Variants in CDH6 observed in about 807,000 individuals in gnomAD.
CDH6 encodes cadherin-6.
CDH6 carries 31 observed loss-of-function variants against 78.0 expected under a neutral mutation model. That is an observed-to-expected ratio of 0.40 (90% CI 0.30 to 0.54). The LOEUF (loss-of-function observed/expected upper bound fraction) is 0.54. CDH6 is among the 20% of genes least tolerant of loss of function. The pLI, the probability that CDH6 is intolerant of heterozygous loss-of-function variation, is 0.56. For missense variants in CDH6, 724 were observed against 975.9 expected, an observed-to-expected ratio of 0.74 and a Z score of 3.44; for synonymous variants, 376 against 368.8, an observed-to-expected ratio of 1.02 and a Z score of -0.23.
chr5:31,282,973 C>T (rs1490420821), intron 2 of CDH6, among the ~76,000 whole-genome samples: 1 of 151,946 alleles, frequency 6.6e-6, no homozygotes, highest in African/African-American at 2.4e-5. Flanking sequence ...TCACAAAGTA[C>T]ACATTGATAA....
chr5:31,269,708 A>C (rs1031714761), intron 2 of CDH6, among the ~76,000 whole-genome samples: 3 of 152,264 alleles, frequency 2.0e-5, no homozygotes, highest in Non-Finnish European at 4.4e-5. Context: ...AACAAAGCTC[A>C]GTGGAAAATA....
Position 31,322,948 on chromosome 5 carries a change from T to C in CDH6, c.2013T>C (p.Ala671=). The C allele has an allele frequency of 6.2e-7, 1 of 1,614,158 alleles. No individual in the cohort carries two copies. Among genetic ancestry groups the C allele is most frequent in the South Asian group, 1.1e-5 (1 of 91,070 alleles). Residue 671 remains alanine (A), a synonymous_variant, in exon 12 of 12, where the codon GCT becomes GCC. Transcript: ENST00000265071. ...GTGGTGGAGAGGAGGACACCCAGGC[T>C]TTTGATATCGGCACCCTGAGGAATC... The part of the protein sequence containing the change: ...DEGGGEEDTQ[A]FDIGTLRNPE...
At chr5:31,247,704 C>T (rs1000310953) in intron 1 of CDH6, among the ~76,000 whole-genome samples, 1 of 152,164 alleles carries the variant, frequency 6.6e-6, no homozygotes, top group African/African-American at 2.4e-5. Context: ...TTCTAAATGA[C>T]TTTAAATGAA....
chr5:31,233,053 T>C (rs1741355692), intron 1 of CDH6, among the ~76,000 whole-genome samples: 2 of 152,066 alleles, frequency 1.3e-5, no homozygotes, highest in South Asian at 4.1e-4. Context: ...TTTCTTACCA[T>C]GCAATGAACA....
chr5:31,229,839 G>A (rs987336501), intron 1 of CDH6, among the ~76,000 whole-genome samples: 49 of 152,172 alleles, frequency 3.2e-4, no homozygotes, highest in Non-Finnish European at 3.8e-4. Context: ...ACGGGCTGAG[G>A]CTTTTTGCCC....
chr5:31,302,425 GA>G, intron 6 of CDH6, 127 bp downstream of exon 6: 1 of 780,978 alleles, frequency 1.3e-6, no homozygotes, highest in Non-Finnish European at 1.9e-6. Flanking sequence ...ATTATTTTCA[GA>G]AAAATGCCAG....
Position 31,322,864 on chromosome 5 carries a change from G to T in CDH6, c.1929G>T (p.Glu643Asp), listed in dbSNP as rs771522599. ...CTCTGAGGCGGCAGCGAAAAAAAGA[G>T]CCTTTGATCATTTCCAAAGAGGACA... ...FAALRRQRKKEPLIISKEDIR... is the reference protein window; with the variant it reads ...FAALRRQRKKDPLIISKEDIR... The change falls in exon 12 of 12, where the codon GAG becomes GAT. Residue 643 changes from glutamate (E) to aspartate (D), a missense_variant. Physicochemically the swap from Glu to Asp is conservative, Grantham distance 45. Around this residue, in one of 3 missense-constraint regions of CDH6, gnomAD observed 220 missense variants for 240.6 expected, o/e 0.91. Coordinates refer to ENST00000265071, the MANE Select transcript of CDH6 (RefSeq NM_004932.4). 1 of 1,614,100 alleles carries T rather than the reference G, an allele frequency of 6.2e-7. No individual in the cohort carries two copies. Among genetic ancestry groups the T allele is most frequent in the Non-Finnish European group, 8.5e-7 (1 of 1,179,992 alleles).
At chr5:31,239,411 T>C (rs1324349564) in intron 1 of CDH6, among the ~76,000 whole-genome samples, 3 of 152,212 alleles carry the variant, frequency 2.0e-5, no homozygotes, top group Non-Finnish European at 2.9e-5. Flanking sequence ...TTCTGATGCT[T>C]ACCAAATCCG....
At chr5:31,299,850 T>A (rs1737712547) in intron 5 of CDH6, among the ~76,000 whole-genome samples, 1 of 152,230 alleles carries the variant, frequency 6.6e-6, no homozygotes, top group South Asian at 2.1e-4. Flanking sequence ...TCTGCTGTTG[T>A]TGTAAAGGCA....
chr5:31,194,097 G>T (rs1201204659), intron 1 of CDH6, among the ~76,000 whole-genome samples: 2 of 152,048 alleles, frequency 1.3e-5, no homozygotes, highest in Non-Finnish European at 2.9e-5. Context: ...GCTCAGGACC[G>T]ACGCCGCTTC....
intron 1 of CDH6, among the ~76,000 whole-genome samples, chr5:31,213,472 T>G (rs565880453): frequency 1.3e-5 from 2 of 152,218 alleles, no homozygotes; most frequent in South Asian, 2.1e-4. Context: ...GGTGAGGGGT[T>G]GGTTAGGGTG....
At chr5:31,204,799 C>T (rs904378726) in intron 1 of CDH6, among the ~76,000 whole-genome samples, 2 of 151,848 alleles carry the variant, frequency 1.3e-5, no homozygotes, top group Admixed American at 6.6e-5. Flanking sequence ...GACTTTAAAG[C>T]GAGAAGTGAA....
At chr5:31,246,947 C>T (rs959884706) in intron 1 of CDH6, among the ~76,000 whole-genome samples, 2 of 152,168 alleles carry the variant, frequency 1.3e-5, no homozygotes, top group African/African-American at 4.8e-5. Context: ...GACGGGGTTT[C>T]ACCATGTTAG....
At chr5:31,199,627 G>A (rs1375686164) in intron 1 of CDH6, among the ~76,000 whole-genome samples, 1 of 139,748 alleles carries the variant, frequency 7.2e-6, no homozygotes, top group East Asian at 2.1e-4. Context: ...GAAAAGAGTT[G>A]ATAATATATA....
At chr5:31,203,163 A>G (rs1314398817) in intron 1 of CDH6, among the ~76,000 whole-genome samples, 1 of 151,548 alleles carries the variant, frequency 6.6e-6, no homozygotes, top group African/African-American at 2.4e-5. Flanking sequence ...TATCAGTTCC[A>G]CATTTTCCCT....
intron 1 of CDH6, among the ~76,000 whole-genome samples, chr5:31,215,268 G>C (rs950359459): frequency 2.6e-5 from 4 of 152,048 alleles, no homozygotes; most frequent in Admixed American, 2.6e-4. Flanking sequence ...TTCTACACTG[G>C]TCCCTGAAAT....
chr5:31,252,328 G>GTGTGTGGTGTGTGT (rs1554006112), intron 1 of CDH6, among the ~76,000 whole-genome samples: 1 of 148,924 alleles, frequency 6.7e-6, no homozygotes, highest in Non-Finnish European at 1.5e-5. Flanking sequence ...ATGTGTGTGT[G>GTGTGTGGTGTGTGT]GTGTGTGTGT....
intron 2 of CDH6, among the ~76,000 whole-genome samples, chr5:31,269,601 T>TA (rs11336405): frequency 6.6e-6 from 1 of 151,620 alleles, no homozygotes; most frequent in Non-Finnish European, 1.5e-5. Context: ...CTATTATTGG[T>TA]AAAAAATCCG....
intron 2 of CDH6, among the ~76,000 whole-genome samples, chr5:31,292,076 A>T (rs1743181409): frequency 6.6e-6 from 1 of 152,162 alleles, no homozygotes; most frequent in East Asian, 1.9e-4. Context: ...CTCAAGAGTT[A>T]ATCTTCAGAC....
Sources: gnomAD v4.1 joint callset for allele counts (sites outside exome capture counted in the v4.1 genomes callset) on GRCh38, gnomAD v4.1.1 for gene constraint, gnomAD v4.1.1 regional missense constraint, MANE v1.5 for transcripts, NCBI Gene and HGNC (gene_info 2026-07-23, HGNC 2026-07-21) for gene names.